Variants in RGL1 observed in about 807,000 individuals in gnomAD.
RGL1 encodes ral guanine nucleotide dissociation stimulator-like 1.
Under a neutral mutation model 95.2 loss-of-function variants are expected in RGL1, and 24 were observed. The ratio of observed to expected loss-of-function variants is 0.25; its 90% CI spans 0.18 to 0.35. The LOEUF is 0.35. Ranked by LOEUF, RGL1 falls within the 10% of genes least tolerant of loss-of-function variation. The probability of loss-of-function intolerance (pLI) is 1.00; values close to 1 mark genes in which losing one functional copy is unlikely to be tolerated. For synonymous variants in RGL1, 329 were observed against 344.9 expected (o/e 0.95, Z 0.51); for missense variants, 715 against 936.3 (o/e 0.76, Z 3.08).
At chr1:183,762,464 C>T (rs1658733363) in intron 2 of RGL1, among the ~76,000 whole-genome samples, 1 of 152,186 alleles carries the variant, frequency 6.6e-6, no homozygotes, top group African/African-American at 2.4e-5. Context: ...TTCCAGCCTA[C>T]ATCATGCTTT....
intron 1 of RGL1, among the ~76,000 whole-genome samples, chr1:183,672,654 A>G (rs1652550625): frequency 6.6e-6 from 1 of 152,174 alleles, no homozygotes; most frequent in Admixed American, 6.5e-5. Context: ...TCATTTCTAC[A>G]TGCTTTAGGG....
chr1:183,723,163 A>G (rs903327931), intron 1 of RGL1, among the ~76,000 whole-genome samples: 1 of 152,230 alleles, frequency 6.6e-6, no homozygotes, highest in African/African-American at 2.4e-5. Flanking sequence ...GCCCTAGATG[A>G]ATCATTAAAA....
chr1:183,648,496 A>T, intron 1 of RGL1: 1 of 1,614,234 alleles, frequency 6.2e-7, no homozygotes. Context: ...AAGAGCATTG[A>T]TTCTGGATGG....
chr1:183,753,016 G>A (rs1245714727), intron 2 of RGL1, among the ~76,000 whole-genome samples: 1 of 152,026 alleles, frequency 6.6e-6, no homozygotes, highest in African/African-American at 2.4e-5. Flanking sequence ...TCAAATAGAT[G>A]AATTGATGTC....
chr1:183,825,430 G>A (rs1393324334), intron 2 of RGL1, among the ~76,000 whole-genome samples: 1 of 152,166 alleles, frequency 6.6e-6, no homozygotes, highest in East Asian at 1.9e-4. Context: ...AGCTAGGGAG[G>A]TAGCAGCAGT....
intron 3 of RGL1, 62 bp downstream of exon 3, chr1:183,847,836 G>A (rs1383474403): frequency 1.8e-5 from 24 of 1,322,938 alleles, no homozygotes; most frequent in Middle Eastern, 1.9e-4. Flanking sequence ...AGTGGAGCAC[G>A]AGGTTCTGAA....
chr1:183,877,182 C>G (rs1000638574), intron 4 of RGL1, among the ~76,000 whole-genome samples: 6 of 152,164 alleles, frequency 3.9e-5, no homozygotes, highest in Admixed American at 3.9e-4. Flanking sequence ...GGTCTGTGTA[C>G]AGAACCAAGT....
At chr1:183,733,887 A>G (rs896398580) in intron 1 of RGL1, among the ~76,000 whole-genome samples, 4 of 152,226 alleles carry the variant, frequency 2.6e-5, no homozygotes, top group African/African-American at 9.6e-5. Flanking sequence ...TGTTCTTGCT[A>G]CTTAGAGACT....
At chr1:183,889,661 G>A (rs550472157) in intron 8 of RGL1, among the ~76,000 whole-genome samples, 12 of 152,214 alleles carry the variant, frequency 7.9e-5, no homozygotes, top group African/African-American at 2.2e-4. Flanking sequence ...TCATATTCTC[G>A]TTCAGGGGAT....
At chr1:183,856,386 C>T (rs1453310118) in intron 3 of RGL1, among the ~76,000 whole-genome samples, 1 of 151,242 alleles carries the variant, frequency 6.6e-6, no homozygotes, top group Non-Finnish European at 1.5e-5. Flanking sequence ...TGGGGGGTTA[C>T]TAAAATTAAT....
chr1:183,809,192 T>G (rs1242763871), intron 2 of RGL1, among the ~76,000 whole-genome samples: 1 of 152,250 alleles, frequency 6.6e-6, no homozygotes, highest in East Asian at 1.9e-4. Context: ...GTAATGCTTA[T>G]TCCAGATGCC....
intron 2 of RGL1, among the ~76,000 whole-genome samples, chr1:183,764,320 A>G (rs1157752324): frequency 6.6e-6 from 1 of 152,186 alleles, no homozygotes; most frequent in African/African-American, 2.4e-5. Flanking sequence ...GTAACCATGT[A>G]TGGGAAAACA....
intron 1 of RGL1, among the ~76,000 whole-genome samples, chr1:183,732,506 C>T (rs1198678744): frequency 6.6e-6 from 1 of 152,170 alleles, no homozygotes; most frequent in Non-Finnish European, 1.5e-5. Context: ...AAAATTGAGG[C>T]ATTTCACAAA....
chr1:183,655,268 A>T (rs1023707658), intron 1 of RGL1, among the ~76,000 whole-genome samples: 4 of 152,260 alleles, frequency 2.6e-5, no homozygotes, highest in Non-Finnish European at 5.9e-5. Flanking sequence ...GGGTATATCC[A>T]AGATGGCTTG....
At chr1:183,753,388 T>G (rs1658143878) in intron 2 of RGL1, among the ~76,000 whole-genome samples, 1 of 152,240 alleles carries the variant, frequency 6.6e-6, no homozygotes, top group Non-Finnish European at 1.5e-5. Flanking sequence ...AAGACATATT[T>G]GTCAAGAACT....
At chr1:183,917,320 G>A (rs1399830029) in intron 16 of RGL1, among the ~76,000 whole-genome samples, 2 of 152,164 alleles carry the variant, frequency 1.3e-5, no homozygotes, top group Admixed American at 1.3e-4. Context: ...TTTTAATAAT[G>A]GCAGTCTTTT....
intron 1 of RGL1, among the ~76,000 whole-genome samples, chr1:183,654,060 A>C (rs1405315790): frequency 1.3e-5 from 2 of 152,100 alleles, no homozygotes; most frequent in Admixed American, 6.5e-5. Flanking sequence ...ATACTCTAAA[A>C]ATAACTCAGG....
chr1:183,715,275 A>C (rs1655543176), intron 1 of RGL1, among the ~76,000 whole-genome samples: 1 of 151,474 alleles, frequency 6.6e-6, no homozygotes, highest in African/African-American at 2.4e-5. Context: ...TGTTTTTTTT[A>C]GTGATGTTTG....
intron 2 of RGL1, among the ~76,000 whole-genome samples, chr1:183,771,874 G>A (rs1350419474): frequency 1.3e-5 from 2 of 152,208 alleles, no homozygotes; most frequent in Non-Finnish European, 2.9e-5. Context: ...GTGGCTGGAC[G>A]TGGAGCAGAG....
Sources: gnomAD v4.1 joint callset for allele counts (sites outside exome capture counted in the v4.1 genomes callset) on GRCh38, gnomAD v4.1.1 for gene constraint, MANE v1.5 for transcripts, NCBI Gene and HGNC (gene_info 2026-07-23, HGNC 2026-07-21) for gene names.